AGPAT4: variants seen among roughly 807,000 people sequenced by gnomAD.
The protein encoded by AGPAT4 is 1-acyl-sn-glycerol-3-phosphate acyltransferase delta.
A neutral mutation model predicts 48.0 loss-of-function variants in AGPAT4; 15 were observed. The ratio of observed to expected loss-of-function variants is 0.31; its 90% CI spans 0.21 to 0.48. The LOEUF (loss-of-function observed/expected upper bound fraction) is 0.48, where lower values mean the gene tolerates loss of function less well. Among genes scored for constraint, AGPAT4 ranks in the 20% least tolerant of loss-of-function variants. The pLI is 0.99. For missense variants in AGPAT4, 314 were observed against 482.5 expected (o/e 0.65, Z 3.27); for synonymous variants, 178 against 198.7 (o/e 0.90, Z 0.88).
chr6:161,223,038 C>T lies in AGPAT4; in HGVS notation c.178+8998G>A, dbSNP rs543522644. On this transcript the variant is annotated intron_variant, in intron 2 of 8. Transcript: ENST00000320285. The surrounding 1 kb of genome is among the most constrained non-coding windows in gnomAD (Gnocchi z 6.3). ...ATGCTGCTTCACGGGGACGTCGCTG[C>T]GCCCTGCACAGGATGGCTGGGCTGT... Among the ~76,000 whole-genome samples the T allele has an allele frequency of 3.9e-5, 6 of 152,298 alleles. No individual in the cohort carries two copies. Among genetic ancestry groups the T allele is most frequent in the South Asian group, 2.1e-4 (1 of 4,820 alleles).
chr6:161,227,379 C>A (rs1298287830), intron 2 of AGPAT4, among the ~76,000 whole-genome samples: 2 of 152,170 alleles, frequency 1.3e-5, no homozygotes, highest in Non-Finnish European at 2.9e-5. Context: ...AAGCACAAGC[C>A]CCCAACCCAG....
At position 161,208,531 on chromosome 6, in the gene AGPAT4, T is replaced by G. The variant is rs1489681435; in HGVS notation, c.178+23505A>C. On this transcript the variant is annotated intron_variant, in intron 2 of 8. Transcript: ENST00000320285. This position sits in a 1 kb window ranked among gnomAD's most constrained non-coding sequence, Gnocchi z 4.6. ...GTTTAAGACAAAACCCAATAACGCA[T>G]ATGATAACCACTGTCTCCTTAGGTC... Among the ~76,000 whole-genome samples the G allele has an allele frequency of 6.6e-6, 1 of 151,992 alleles. No homozygotes were observed. The highest frequency in any genetic ancestry group is 2.4e-5 in the African/African-American group (1 of 41,354).
At chr6:161,181,782 G>A (rs973040583) in intron 2 of AGPAT4, among the ~76,000 whole-genome samples, 19 of 152,088 alleles carry the variant, frequency 1.2e-4, no homozygotes, top group African/African-American at 3.1e-4. Flanking sequence ...ATCAGATGGC[G>A]CTCAGGCTAG....
chr6:161,182,284 T>TG (rs1396532806), intron 2 of AGPAT4, among the ~76,000 whole-genome samples: 13 of 130,014 alleles, frequency 1.0e-4, no homozygotes, highest in Admixed American at 7.2e-4. Flanking sequence ...TCCCAGCACC[T>TG]CATCCCAGCC....
intron 1 of AGPAT4, among the ~76,000 whole-genome samples, chr6:161,237,987 G>A (rs561007931): frequency 1.1e-3 from 167 of 146,872 alleles, no homozygotes; most frequent in African/African-American, 4.0e-3. Flanking sequence ...CAAAGCACCA[G>A]ACAAGAGAAA....
rs1782362899 is a variant in AGPAT4, at chr6:161,238,330, G to A, written c.-89-6028C>T. On this transcript the variant is annotated intron_variant, in intron 1 of 8. Coordinates refer to ENST00000320285, the MANE Select transcript of AGPAT4 (RefSeq NM_020133.3). The surrounding 1 kb of genome is among the most constrained non-coding windows in gnomAD (Gnocchi z 5.2). The stretch of plus-strand genomic sequence containing the variant: ...CACTTGCCAGGATGCCTGGAACGGG[G>A]AAAACCCCAAGTAATGGGGGATTTT... Among the ~76,000 whole-genome samples the A allele has an allele frequency of 6.6e-6, 1 of 152,186 alleles. No individual in the cohort carries two copies. The highest frequency in any genetic ancestry group is 6.5e-5 in the Admixed American group (1 of 15,284).
chr6:161,248,419 A>C (rs1582907886), intron 1 of AGPAT4, among the ~76,000 whole-genome samples: 1 of 94,490 alleles, frequency 1.1e-5, no homozygotes, highest in African/African-American at 4.0e-5. Flanking sequence ...CTAAAAATAC[A>C]AAAAATTAGC....
Position 161,165,948 on chromosome 6 carries a change from A to G in AGPAT4, c.348+300T>C. Reference sequence around the variant, plus strand: ...CCGAATATTAAGCTCTATATAACTTAGTTTTTAAAAAATGGAGTGTGGCAC... The same window carrying G: ...CCGAATATTAAGCTCTATATAACTTGGTTTTTAAAAAATGGAGTGTGGCAC... On this transcript the variant is annotated intron_variant, in intron 3 of 8. Transcript: ENST00000320285. The surrounding 1 kb of genome is among the most constrained non-coding windows in gnomAD (Gnocchi z 5.5). 1.7e-6 allele frequency: 1 copy of G among 601,400 alleles called. No homozygotes were observed. Among genetic ancestry groups the G allele is most frequent in the South Asian group, 2.1e-5 (1 of 48,558 alleles). 37.3% of individuals were successfully genotyped at this position (601,400 alleles called of 1,614,324 possible). A position where few individuals can be genotyped will look rare whatever the true frequency, so the allele number is the denominator to read the frequency against.
In AGPAT4 at chr6:161,194,899, A is replaced by T. The variant is rs79407322; in HGVS notation, c.179-28482T>A. Among the ~76,000 whole-genome samples, 972 of 152,236 alleles carry T rather than the reference A, an allele frequency of 6.4e-3. 9 individuals are homozygous for T. Among genetic ancestry groups the T allele is most frequent in the African/African-American group, 0.023 (935 of 41,526 alleles). On this transcript the variant is annotated intron_variant, in intron 2 of 8. Coordinates refer to ENST00000320285, the MANE Select transcript of AGPAT4 (RefSeq NM_020133.3). ...TAAAATGGTTTCCATGGATGATCTG[A>T]TACACTTAGCTTTTAAAGAGGAACA...
rs1782209485 is a variant in AGPAT4 at position 161,234,386 on chromosome 6, G to A, written c.-89-2084C>T. On this transcript the variant is annotated intron_variant, in intron 1 of 8. Transcript: ENST00000320285. The surrounding 1 kb of genome is among the most constrained non-coding windows in gnomAD (Gnocchi z 4.4). ...TAGGCCCCAGAAGCTCCACTCTCTG[G>A]CACAAATCCAGGCCCTGCAGGGTCT... is the stretch of plus-strand genomic sequence containing the variant. Among the ~76,000 whole-genome samples the A allele has an allele frequency of 1.3e-5, 2 of 151,974 alleles. No individual in the cohort carries two copies. Among genetic ancestry groups the A allele is most frequent in the African/African-American group, 4.8e-5 (2 of 41,376 alleles).
At chr6:161,227,126 A>T (rs1345097472) in intron 2 of AGPAT4, among the ~76,000 whole-genome samples, 62 of 152,168 alleles carry the variant, frequency 4.1e-4, no homozygotes, top group Non-Finnish European at 7.4e-5. Flanking sequence ...TCAGTCTGCT[A>T]GTGTCTGGGA....
Position 161,244,777 on chromosome 6 carries a change from A to T in AGPAT4, c.-89-12475T>A, listed in dbSNP as rs1250085054. Among the ~76,000 whole-genome samples the T allele has an allele frequency of 6.6e-6, 1 of 152,162 alleles. No homozygotes were observed. The highest frequency in any genetic ancestry group is 1.5e-5 in the Non-Finnish European group (1 of 68,022). On this transcript the variant is annotated intron_variant, in intron 1 of 8. Coordinates refer to ENST00000320285, the MANE Select transcript of AGPAT4 (RefSeq NM_020133.3). This position sits in a 1 kb window ranked among gnomAD's most constrained non-coding sequence, Gnocchi z 4.7. ...TGCCTGGGTCAACTGATCCAGTAAG[A>T]GTGATGCCTTCCACCACTTAGCCTA...
Position 161,144,774 on chromosome 6 carries a change from A to G in AGPAT4, c.843+1750T>C, listed in dbSNP as rs188960378. ...AGGGCAGATCACAAGACCTTGTGAG[A>G]TCGAGACCATCCTGGCAAACACGGT... On this transcript the variant is annotated intron_variant, in intron 7 of 8. Transcript: ENST00000320285. The surrounding 1 kb of genome is among the most constrained non-coding windows in gnomAD (Gnocchi z 6.6). Among the ~76,000 whole-genome samples the G allele has an allele frequency of 1.1e-4, 16 of 152,300 alleles. No homozygotes were observed. In the East Asian group the frequency reaches 2.9e-3, roughly 28 times the overall value.
At position 161,254,919 on chromosome 6, in the gene AGPAT4, G is replaced by A. The variant is rs572692016; in HGVS notation, c.-90+19019C>T. 3.3e-5 allele frequency among the ~76,000 whole-genome samples: 5 copies of A among 152,246 alleles called. No individual in the cohort carries two copies. The highest frequency in any genetic ancestry group is 2.1e-4 in the South Asian group (1 of 4,816). On this transcript the variant is annotated intron_variant, in intron 1 of 8. Coordinates refer to ENST00000320285, the MANE Select transcript of AGPAT4 (RefSeq NM_020133.3). This position sits in a 1 kb window ranked among gnomAD's most constrained non-coding sequence, Gnocchi z 5.9. Reference sequence around the variant, plus strand: ...GGCTGGAGAGCTCCAGAAATCCAGCGCCTGGGCTCACAAAAGCCAGCCCTG... The same window carrying A: ...GGCTGGAGAGCTCCAGAAATCCAGCACCTGGGCTCACAAAAGCCAGCCCTG...
At chr6:161,168,908 A>G (rs897208736) in intron 2 of AGPAT4, among the ~76,000 whole-genome samples, 1 of 152,206 alleles carries the variant, frequency 6.6e-6, no homozygotes, top group Non-Finnish European at 1.5e-5. Flanking sequence ...CCTTCTCTGT[A>G]AAGTAGGGAC....
intron 2 of AGPAT4, among the ~76,000 whole-genome samples, chr6:161,187,150 T>G (rs1054480901): frequency 6.6e-6 from 1 of 152,258 alleles, no homozygotes; most frequent in African/African-American, 2.4e-5. Context: ...AAGAGAAGAC[T>G]AAGGTTTGCA....
chr6:161,253,110 G>A (rs914540724), intron 1 of AGPAT4, among the ~76,000 whole-genome samples: 20 of 150,852 alleles, frequency 1.3e-4, no homozygotes, highest in Admixed American at 4.6e-4. Context: ...CTACTCAGGA[G>A]GCTGAGGCAG....
rs1782520619 is a variant in AGPAT4, at chr6:161,242,482, C to T, written c.-89-10180G>A. ...TTCTCCAAGTAGAAGGCCACATCCT[C>T]CAAACCCCATCCAGCTCGCCCGCAG... On this transcript the variant is annotated intron_variant, in intron 1 of 8. Transcript: ENST00000320285. This position sits in a 1 kb window ranked among gnomAD's most constrained non-coding sequence, Gnocchi z 5.0. 6.6e-6 allele frequency among the ~76,000 whole-genome samples: 1 copy of T among 152,190 alleles called. No homozygotes were observed. The highest frequency in any genetic ancestry group is 6.5e-5 in the Admixed American group (1 of 15,276).
chr6:161,138,021 C>T lies in AGPAT4; in HGVS notation c.1043-1387G>A, dbSNP rs1779128398. On this transcript the variant is annotated intron_variant, in intron 8 of 8. Coordinates refer to ENST00000320285, the MANE Select transcript of AGPAT4 (RefSeq NM_020133.3). This position sits in a 1 kb window ranked among gnomAD's most constrained non-coding sequence, Gnocchi z 4.8. ...CTGAAGGGGCCCCTCTCCAAGACGG[C>T]GTGGGTGTGTGTGTGCCTTGCTGTT... is the stretch of plus-strand genomic sequence containing the variant. 6.6e-6 allele frequency among the ~76,000 whole-genome samples: 1 copy of T among 152,168 alleles called. No individual in the cohort carries two copies. Among genetic ancestry groups the T allele is most frequent in the Admixed American group, 6.5e-5 (1 of 15,276 alleles).
Sources: gnomAD v4.1 joint callset for allele counts (sites outside exome capture counted in the v4.1 genomes callset) on GRCh38, gnomAD v4.1.1 for gene constraint, Gnocchi (gnomAD v3.1) non-coding constraint, MANE v1.5 for transcripts, NCBI Gene and HGNC (gene_info 2026-07-23, HGNC 2026-07-21) for gene names.